UFL1: variants seen among roughly 807,000 people sequenced by gnomAD.
UFL1 encodes E3 UFM1-protein ligase 1.
A neutral mutation model predicts 99.3 loss-of-function variants in UFL1; 78 were observed. The observed-to-expected ratio is 0.79, with a 90% CI of 0.65 to 0.95. The LOEUF (loss-of-function observed/expected upper bound fraction) is 0.95. Ranked by LOEUF, UFL1 falls within the 40% of genes least tolerant of loss-of-function variation. The pLI is 0.00. For missense variants in UFL1, 936 were observed against 937.0 expected, an observed-to-expected ratio of 1.00 and a Z score of 0.01; for synonymous variants, 335 against 322.2, an observed-to-expected ratio of 1.04 and a Z score of -0.42.
At position 96,521,841 on chromosome 6, in the gene UFL1, A is replaced by G. The variant is rs371351936; in HGVS notation, c.-33A>G. The G allele has an allele frequency of 8.7e-6, 14 of 1,600,512 alleles. No homozygotes were observed. In the African/African-American group the frequency reaches 1.1e-4, roughly 12 times the overall value. On this transcript the variant is annotated 5_prime_UTR_variant, in exon 1 of 19. Transcript: ENST00000369278. ...ACCGCCTGTCGGCTGACGTGTCTGC[A>G]GTTCCTCCGCGTCTACTGCGAGTCA...
In UFL1 at chr6:96,551,355, A is replaced by G. The variant is rs936484780; in HGVS notation, c.1819-78A>G. On this transcript the variant is annotated intron_variant, in intron 15 of 18. Transcript: ENST00000369278. ...TAAATTCCACTCAGGAACTTGTTAC[A>G]GTATTTTTTTCACTTTATCTTATAT... 8.0e-6 allele frequency: 6 copies of G among 754,098 alleles called. No homozygotes were observed. The Admixed American group carries it at 1.8e-4, about 22-fold the overall frequency. 46.7% of individuals were successfully genotyped at this position (754,098 alleles called of 1,614,324 possible).
chr6:96,552,370 A>G (rs1237578981), intron 17 of UFL1, 112 bp from the exon 18 acceptor site: 10 of 1,204,634 alleles, frequency 8.3e-6, no homozygotes, highest in Non-Finnish European at 1.0e-5. Context: ...TTAAATTTTT[A>G]TGGAATTAGA....
At chr6:96,544,534 C>T (rs1009333266) in intron 12 of UFL1, among the ~76,000 whole-genome samples, 2 of 150,984 alleles carry the variant, frequency 1.3e-5, no homozygotes, top group Non-Finnish European at 3.0e-5. Flanking sequence ...TAATGTTCTA[C>T]TTGCTATTTG....
intron 10 of UFL1, 54 bp from the exon 11 acceptor site, chr6:96,540,468 AAACAACTTTTATG>A: frequency 6.5e-7 from 1 of 1,540,204 alleles, no homozygotes; most frequent in Middle Eastern, 2.4e-4. Flanking sequence ...GTGAGTATAT[AAACAACTTTTATG>A]CTTTTGGAAA....
chr6:96,532,965 T>A (rs1769802569), intron 6 of UFL1, among the ~76,000 whole-genome samples: 1 of 152,190 alleles, frequency 6.6e-6, no homozygotes, highest in Admixed American at 6.5e-5. Context: ...AAGTTTTAAA[T>A]AGTCAATTTA....
Position 96,553,518 on chromosome 6 carries a change from A to C in UFL1, c.*15A>C. On this transcript the variant is annotated 3_prime_UTR_variant, in exon 19 of 19. Coordinates refer to ENST00000369278, the MANE Select transcript of UFL1 (RefSeq NM_015323.5). ...CGGAAGAGTAATGATCTTAATTTAC[A>C]TTTGTCATATAGTAAGCATTTTCCC... The C allele has an allele frequency of 2.5e-6, 4 of 1,608,560 alleles. No individual in the cohort carries two copies. Among genetic ancestry groups the C allele is most frequent in the Non-Finnish European group, 3.4e-6 (4 of 1,177,146 alleles).
At chr6:96,537,810 T>C (rs553132853) in intron 9 of UFL1, among the ~76,000 whole-genome samples, 1 of 152,018 alleles carries the variant, frequency 6.6e-6, no homozygotes, top group African/African-American at 2.4e-5. Flanking sequence ...TGATAAAGAA[T>C]TGATGAGACT....
At position 96,526,399 on chromosome 6, in the gene UFL1, T is replaced by A. The variant is rs771349140; in HGVS notation, c.429T>A (p.Cys143Ter). The change falls in exon 5 of 19, where the codon TGT (cysteine) becomes TGA (stop). Residue 143 changes from cysteine to a stop codon, truncating the protein, a stop_gained. Coordinates refer to ENST00000369278, the MANE Select transcript of UFL1 (RefSeq NM_015323.5). LOFTEE classifies it high-confidence loss of function. ...ESGQVTISEL[C>*]KTYDLPGNFL... ...GTCAGGTCACCATATCAGAACTGTG[T>A]AAAACTTATGATCTTCCTGGGAACT... 1.2e-6 allele frequency: 2 copies of A among 1,613,014 alleles called. No homozygotes were observed. The highest frequency in any genetic ancestry group is 1.7e-6 in the Non-Finnish European group (2 of 1,179,682).
At chr6:96,550,956 T>TA (rs904688348) in intron 15 of UFL1, among the ~76,000 whole-genome samples, 31 of 151,898 alleles carry the variant, frequency 2.0e-4, no homozygotes, top group Admixed American at 3.9e-4. Flanking sequence ...AAGAATACCA[T>TA]AAAACTTCAG....
intron 5 of UFL1, among the ~76,000 whole-genome samples, chr6:96,527,996 T>A (rs149171213): frequency 6.6e-6 from 1 of 152,142 alleles, no homozygotes; most frequent in Non-Finnish European, 1.5e-5. Flanking sequence ...CTGCCATAGA[T>A]CTTCTGGACG....
intron 6 of UFL1, among the ~76,000 whole-genome samples, chr6:96,532,134 G>T (rs531648432): frequency 6.6e-6 from 1 of 152,096 alleles, no homozygotes; most frequent in South Asian, 2.1e-4. Flanking sequence ...CCAAATTGAC[G>T]TAAAAATTCA....
intron 13 of UFL1, 66 bp from the exon 14 acceptor site, chr6:96,549,346 A>G (rs1770043349): frequency 7.8e-7 from 1 of 1,279,122 alleles, no homozygotes; most frequent in Non-Finnish European, 1.0e-6. Context: ...CATAGAAACA[A>G]AATTCCTTAT....
chr6:96,528,714 CTTTGT>C, intron 6 of UFL1, 82 bp downstream of exon 6: 1 of 1,447,510 alleles, frequency 6.9e-7, no homozygotes, highest in Non-Finnish European at 9.2e-7. Flanking sequence ...GAATCTTTTT[CTTTGT>C]TTTAATAAAG....
chr6:96,538,586 T>C, intron 9 of UFL1, 45 bp from the exon 10 acceptor site: 2 of 1,570,356 alleles, frequency 1.3e-6, no homozygotes, highest in Non-Finnish European at 1.7e-6. Flanking sequence ...TTTCACTGTA[T>C]TATATTGCAT....
At chr6:96,552,753 TATAAA>T in intron 18 of UFL1, 91 bp downstream of exon 18, 1 of 1,187,432 alleles carries the variant, frequency 8.4e-7, no homozygotes, top group Non-Finnish European at 1.1e-6. Context: ...AGCACTCAGG[TATAAA>T]ATACATTAAC....
chr6:96,546,616 T>C (rs1770001293), intron 12 of UFL1, among the ~76,000 whole-genome samples: 1 of 151,610 alleles, frequency 6.6e-6, no homozygotes. Context: ...CTTCAAATTA[T>C]ACTACAAGGC....
intron 6 of UFL1, among the ~76,000 whole-genome samples, chr6:96,531,794 T>A (rs573624914): frequency 1.3e-5 from 2 of 152,332 alleles, no homozygotes; most frequent in East Asian, 3.9e-4. Flanking sequence ...GTTTTTCTCA[T>A]TCATAGTAGT....
At chr6:96,538,468 G>T (rs1358832592) in intron 9 of UFL1, among the ~76,000 whole-genome samples, 163 bp from the exon 10 acceptor site, 1 of 151,632 alleles carries the variant, frequency 6.6e-6, no homozygotes, top group African/African-American at 2.4e-5. Context: ...TCAGAGTGGT[G>T]ATGAAACCAG....
intron 12 of UFL1, among the ~76,000 whole-genome samples, chr6:96,547,262 C>G: frequency 6.6e-6 from 1 of 151,486 alleles, no homozygotes; most frequent in Non-Finnish European, 1.5e-5. Flanking sequence ...AAACTAAAAC[C>G]ACAATATATC....
Sources: allele counts gnomAD v4.1 joint callset (sites outside exome capture counted in the v4.1 genomes callset), GRCh38; gene constraint gnomAD v4.1.1; transcripts MANE v1.5; gene names NCBI Gene and HGNC (gene_info 2026-07-23, HGNC 2026-07-21).